TRHDE: variants seen among roughly 807,000 people sequenced by gnomAD.
The protein encoded by TRHDE is thyrotropin-releasing hormone-degrading ectoenzyme.
A neutral mutation model predicts 125.7 loss-of-function variants in TRHDE; 72 were observed. The ratio of observed to expected loss-of-function variants is 0.57; its 90% CI spans 0.47 to 0.70. The LOEUF (loss-of-function observed/expected upper bound fraction) is 0.70, where lower values mean the gene tolerates loss of function less well. TRHDE is among the 30% of genes least tolerant of loss of function. TRHDE has a pLI of 0.00. For synonymous variants in TRHDE, 509 were observed against 509.1 expected, an observed-to-expected ratio of 1.00 and a Z score of 0.00; for missense variants, 1,110 against 1,327.1, an observed-to-expected ratio of 0.84 and a Z score of 2.54.
chr12:72,201,334 G>A (rs1375316315), intron 2 of TRHDE, among the ~76,000 whole-genome samples: 1 of 152,010 alleles, frequency 6.6e-6, no homozygotes, highest in African/African-American at 2.4e-5. Flanking sequence ...AAAATTTTAG[G>A]GAGGCAGAGA....
chr12:72,214,481 G>T (rs567416136), intron 2 of TRHDE, among the ~76,000 whole-genome samples: 58 of 152,228 alleles, frequency 3.8e-4, no homozygotes, highest in Non-Finnish European at 6.9e-4. Flanking sequence ...TTTTTCTGAG[G>T]TCATGAATTT....
chr12:72,609,456 T>C (rs1872561156), intron 12 of TRHDE, among the ~76,000 whole-genome samples: 1 of 152,174 alleles, frequency 6.6e-6, no homozygotes, highest in South Asian at 2.1e-4. Flanking sequence ...TCTTTCTTTA[T>C]TTTTTTATCT....
intron 2 of TRHDE, among the ~76,000 whole-genome samples, chr12:72,152,726 T>A (rs1318393742): frequency 6.6e-6 from 1 of 152,224 alleles, no homozygotes; most frequent in Non-Finnish European, 1.5e-5. Context: ...TGAACCAGCC[T>A]TGCATCCCAG....
At chr12:72,658,602 TTTAA>T (rs1372009413) in intron 18 of TRHDE, among the ~76,000 whole-genome samples, 2 of 152,208 alleles carry the variant, frequency 1.3e-5, no homozygotes. Context: ...ATTTTAGACA[TTTAA>T]TTGATTTTAT....
upstream of TRHDE, among the ~76,000 whole-genome samples, chr12:72,269,700 T>G (rs1879151161): frequency 6.6e-6 from 1 of 152,124 alleles, no homozygotes; most frequent in South Asian, 2.1e-4. Flanking sequence ...GAGAGCACAG[T>G]AGGGTGACTA....
intron 3 of TRHDE, among the ~76,000 whole-genome samples, chr12:72,436,914 C>T (rs547316209): frequency 1.3e-5 from 2 of 151,982 alleles, no homozygotes; most frequent in African/African-American, 4.8e-5. Flanking sequence ...TACCCATCAT[C>T]TACATATTAA....
intron 12 of TRHDE, among the ~76,000 whole-genome samples, chr12:72,614,312 GTA>G (rs1555202241): frequency 3.0e-4 from 32 of 107,674 alleles, no homozygotes; most frequent in African/African-American, 1.5e-3. Flanking sequence ...ATATACATAT[GTA>G]TATATATATA....
intron 3 of TRHDE, among the ~76,000 whole-genome samples, chr12:72,458,354 T>C (rs1323194276): frequency 6.6e-6 from 1 of 152,178 alleles, no homozygotes; most frequent in Non-Finnish European, 1.5e-5. Flanking sequence ...TCTTAAATGA[T>C]GCGATGTCAC....
Position 72,554,544 on chromosome 12 carries a change from G to A in TRHDE, c.1789-7621G>A, listed in dbSNP as rs577152483. On this transcript the variant is annotated intron_variant, in intron 7 of 18. Transcript: ENST00000261180. ...TCACCAGCACCGGGGCTGAGAGAGC[G>A]AAGAGGTGGGAGAGGGAACTCTGTG... 3.3e-5 allele frequency among the ~76,000 whole-genome samples: 5 copies of A among 152,288 alleles called. No individual in the cohort carries two copies. The East Asian group carries it at 5.8e-4, about 18-fold the overall frequency.
intron 7 of TRHDE, among the ~76,000 whole-genome samples, chr12:72,550,192 G>A (rs1214896): frequency 0.28 from 43,127 of 151,684 alleles, 7,606 homozygotes; most frequent in South Asian, 0.39. Flanking sequence ...ATGTTAGTAT[G>A]TGTAAATCTG....
intron 2 of TRHDE, among the ~76,000 whole-genome samples, chr12:72,116,086 C>T (rs1044344748): frequency 1.3e-5 from 2 of 152,122 alleles, no homozygotes; most frequent in Non-Finnish European, 2.9e-5. Context: ...TGTTAACTCC[C>T]ACTTATGAGT....
intron 2 of TRHDE, among the ~76,000 whole-genome samples, chr12:72,372,271 T>C (rs1350785433): frequency 6.6e-6 from 1 of 152,134 alleles, no homozygotes; most frequent in African/African-American, 2.4e-5. Flanking sequence ...TTTGAGTTCA[T>C]TGTAGATTCT....
intron 3 of TRHDE, among the ~76,000 whole-genome samples, chr12:72,414,066 A>G (rs1481445155): frequency 3.9e-5 from 6 of 152,004 alleles, no homozygotes; most frequent in Non-Finnish European, 7.4e-5. Flanking sequence ...TTGCTTGTAT[A>G]TTGTTTTGGG....
chr12:72,575,645 A>C (rs1870958848), intron 12 of TRHDE, 103 bp downstream of exon 12: 1 of 1,120,170 alleles, frequency 8.9e-7, no homozygotes, highest in African/African-American at 1.6e-5. Flanking sequence ...ACATTTAAAA[A>C]AATCTATTTC....
chr12:72,121,752 G>A (rs1323706960), intron 2 of TRHDE, among the ~76,000 whole-genome samples: 1 of 140,406 alleles, frequency 7.1e-6, no homozygotes, highest in Non-Finnish European at 1.5e-5. Flanking sequence ...GATGTGGATA[G>A]TGGTTCAGTT....
chr12:72,535,784 A>G (rs1355458155), intron 6 of TRHDE, among the ~76,000 whole-genome samples: 7 of 152,152 alleles, frequency 4.6e-5, no homozygotes, highest in African/African-American at 1.7e-4. Context: ...TCAGGAACAA[A>G]TCTTGTTAGA....
intron 2 of TRHDE, among the ~76,000 whole-genome samples, chr12:72,156,330 C>T (rs1404066384): frequency 3.9e-5 from 6 of 152,196 alleles, no homozygotes; most frequent in Non-Finnish European, 7.3e-5. Context: ...ATTCCCTGAC[C>T]CCTTGCGCTT....
At chr12:72,155,573 G>GT (rs1408636343) in intron 2 of TRHDE, among the ~76,000 whole-genome samples, 1 of 152,102 alleles carries the variant, frequency 6.6e-6, no homozygotes, top group Non-Finnish European at 1.5e-5. Context: ...GGGTTTTGGT[G>GT]TGGATGTCCT....
In TRHDE at chr12:72,273,207, C is replaced by A. The variant is rs1452220939; in HGVS notation, c.564C>A (p.Gly188=). Residue 188 remains glycine (G), a synonymous_variant, in exon 1 of 19, where the codon GGC becomes GGA. Transcript: ENST00000261180. This position sits in a 1 kb window ranked among gnomAD's most constrained non-coding sequence, Gnocchi z 5.3. ...WEPWTQLRLS[G]HLKPLHYNLM... ...CGTGGACGCAGCTGCGCCTGTCGGG[C>A]CACCTGAAGCCGCTGCACTACAATC... 4 of 1,603,746 alleles carry A rather than the reference C, an allele frequency of 2.5e-6. No homozygotes were observed. Among genetic ancestry groups the A allele is most frequent in the African/African-American group, 2.7e-5 (2 of 74,760 alleles).
Sources: allele counts gnomAD v4.1 joint callset (sites outside exome capture counted in the v4.1 genomes callset), GRCh38; gene constraint gnomAD v4.1.1; non-coding constraint Gnocchi (gnomAD v3.1); transcripts MANE v1.5; gene names NCBI Gene and HGNC (gene_info 2026-07-23, HGNC 2026-07-21).